Variants in POMK observed in about 807,000 individuals in gnomAD.
POMK encodes the protein protein O-mannose kinase.
Under a neutral mutation model 23.0 loss-of-function variants are expected in POMK, and 19 were observed. That is an observed-to-expected ratio of 0.83 (90% CI 0.58 to 1.21). The LOEUF is 1.21. Ranked by LOEUF, POMK falls within the 50% of genes most tolerant of loss-of-function variation. The probability of loss-of-function intolerance (pLI) is 0.00; values close to 1 mark genes in which losing one functional copy is unlikely to be tolerated. For missense variants in POMK, 410 were observed against 431.3 expected (o/e 0.95, Z 0.44); for synonymous variants, 173 against 171.6 (o/e 1.01, Z -0.06).
chr8:43,105,071 A>G (rs1026116778), intron 4 of POMK, among the ~76,000 whole-genome samples: 2 of 152,214 alleles, frequency 1.3e-5, no homozygotes, highest in Admixed American at 1.3e-4. Context: ...TTGGCATGTA[A>G]TAATTATCCA....
At position 43,119,226 on chromosome 8, in the gene POMK, G is replaced by A. The variant is rs180858347; in HGVS notation, c.283-2881G>A. ...CCAGTTCTGGTGGTGACCATGCAGA[G>A]GTGGGCGTAAGGAAGCCATGGATCT... On this transcript the variant is annotated intron_variant, in intron 4 of 4. Transcript: ENST00000331373. Among the ~76,000 whole-genome samples the A allele has an allele frequency of 1.1e-4, 16 of 152,254 alleles. No homozygotes were observed. In the East Asian group the frequency reaches 2.9e-3, roughly 28 times the overall value.
Position 43,108,110 on chromosome 8 carries a change from T to G in POMK, c.282+4280T>G, listed in dbSNP as rs544212070. Among the ~76,000 whole-genome samples the G allele has an allele frequency of 2.0e-5, 3 of 152,306 alleles. No homozygotes were observed. The East Asian group carries it at 5.8e-4, about 29-fold the overall frequency. On this transcript the variant is annotated intron_variant, in intron 4 of 4. Coordinates refer to ENST00000331373, the MANE Select transcript of POMK (RefSeq NM_032237.5). ...GTTTGTACCTTCAAATACTTATGAG[T>G]TGGGTAAGTTCCTCTCCTCTTGATG...
intron 4 of POMK, among the ~76,000 whole-genome samples, chr8:43,108,667 G>T (rs1035672042): frequency 7.9e-6 from 1 of 126,874 alleles, no homozygotes; most frequent in African/African-American, 3.0e-5. Flanking sequence ...AGCTTTCCAT[G>T]AGAGTTCTAA....
At chr8:43,097,235 G>A (rs1185700953) in intron 1 of POMK, among the ~76,000 whole-genome samples, 1 of 152,210 alleles carries the variant, frequency 6.6e-6, no homozygotes, top group Admixed American at 6.5e-5. Context: ...TGATTCAGTA[G>A]GTTTGGAGTG....
intron 4 of POMK, among the ~76,000 whole-genome samples, chr8:43,114,829 A>G (rs1013877382): frequency 3.9e-5 from 6 of 152,232 alleles, no homozygotes; most frequent in African/African-American, 1.2e-4. Flanking sequence ...AGTCATCTCA[A>G]GGACACAGTA....
intron 1 of POMK, among the ~76,000 whole-genome samples, chr8:43,094,537 C>A (rs1038693131): frequency 1.3e-5 from 2 of 152,124 alleles, no homozygotes; most frequent in Non-Finnish European, 2.9e-5. Context: ...TGTTTTGTTG[C>A]ATAATCTTGT....
chr8:43,115,253 C>T (rs1811772598), intron 4 of POMK, among the ~76,000 whole-genome samples: 1 of 152,136 alleles, frequency 6.6e-6, no homozygotes, highest in Admixed American at 6.5e-5. Flanking sequence ...TAATCCTGGA[C>T]CTCTCGTCTT....
At chr8:43,094,458 C>T (rs138398851) in intron 1 of POMK, among the ~76,000 whole-genome samples, 9 of 152,338 alleles carry the variant, frequency 5.9e-5, no homozygotes, top group Non-Finnish European at 1.2e-4. Flanking sequence ...TTATTCTGCA[C>T]GAGATCATTG....
chr8:43,100,426 T>A (rs1811414817), intron 2 of POMK, among the ~76,000 whole-genome samples: 6 of 149,816 alleles, frequency 4.0e-5, no homozygotes, highest in Admixed American at 4.0e-4. Flanking sequence ...TAATGGGGGA[T>A]AGTGTGGTAG....
intron 4 of POMK, among the ~76,000 whole-genome samples, chr8:43,111,858 G>T (rs1431830601): frequency 3.3e-5 from 5 of 152,182 alleles, no homozygotes; most frequent in Non-Finnish European, 5.9e-5. Context: ...GCAGCTGAGG[G>T]TCCTGACTGT....
chr8:43,102,381 G>A (rs1811462175), intron 2 of POMK, 124 bp from the exon 3 acceptor site: 2 of 152,672 alleles, frequency 1.3e-5, no homozygotes, highest in Non-Finnish European at 1.5e-5. Context: ...AGAACCTGAG[G>A]AAACCTGGAC....
chr8:43,113,365 C>A (rs752741471), intron 4 of POMK, among the ~76,000 whole-genome samples: 1 of 152,182 alleles, frequency 6.6e-6, no homozygotes, highest in Non-Finnish European at 1.5e-5. Context: ...TTCATTTCGT[C>A]TTCCATCACT....
At chr8:43,106,498 G>T in intron 4 of POMK, among the ~76,000 whole-genome samples, 2 of 140,382 alleles carry the variant, frequency 1.4e-5, no homozygotes, top group South Asian at 2.3e-4. Flanking sequence ...AATCCCATTG[G>T]TTTACTTTTG....
intron 4 of POMK, among the ~76,000 whole-genome samples, chr8:43,106,107 A>G (rs915451876): frequency 2.0e-5 from 3 of 152,144 alleles, no homozygotes; most frequent in Non-Finnish European, 2.9e-5. Context: ...TTACATTCTC[A>G]CTAACAGAGT....
At chr8:43,098,428 C>G (rs1811376088) in intron 2 of POMK, among the ~76,000 whole-genome samples, 1 of 152,206 alleles carries the variant, frequency 6.6e-6, no homozygotes, top group African/African-American at 2.4e-5. Context: ...AGGGTTCACC[C>G]ATGTTGCAGC....
chr8:43,116,766 A>T (rs1811807186), intron 4 of POMK, among the ~76,000 whole-genome samples: 1 of 152,206 alleles, frequency 6.6e-6, no homozygotes, highest in Non-Finnish European at 1.5e-5. Flanking sequence ...TACTTTATAT[A>T]AGTATTATAT....
In POMK at chr8:43,122,337, T is replaced by C; in HGVS notation, c.513T>C (p.Asn171=). The C allele has an allele frequency of 6.2e-7, 1 of 1,614,182 alleles. No individual in the cohort carries two copies. Among genetic ancestry groups the C allele is most frequent in the South Asian group, 1.1e-5 (1 of 91,090 alleles). ...EETLNLSKYQ[N]VNTWQHRLEL... ...CACTAAACCTTTCAAAGTACCAAAA[T>C]GTGAACACGTGGCAGCACAGGCTGG... Residue 171 remains asparagine, a synonymous_variant, in exon 5 of 5, where the codon AAT becomes AAC. Coordinates refer to ENST00000331373, the MANE Select transcript of POMK (RefSeq NM_032237.5).
At chr8:43,116,316 A>T (rs781524860) in intron 4 of POMK, among the ~76,000 whole-genome samples, 4 of 152,346 alleles carry the variant, frequency 2.6e-5, no homozygotes, top group Non-Finnish European at 4.4e-5. Context: ...TCTTTTGCCC[A>T]GTCTGGAGTG....
intron 4 of POMK, among the ~76,000 whole-genome samples, chr8:43,104,153 C>T (rs373007412): frequency 2.6e-5 from 4 of 151,576 alleles, no homozygotes; most frequent in South Asian, 2.1e-4. Flanking sequence ...TTGAGAGTCT[C>T]GCTCTGTCAC....
Sources: allele counts gnomAD v4.1 joint callset (sites outside exome capture counted in the v4.1 genomes callset), GRCh38; gene constraint gnomAD v4.1.1; transcripts MANE v1.5; gene names NCBI Gene and HGNC (gene_info 2026-07-23, HGNC 2026-07-21).